KANK3: variants seen among roughly 807,000 people sequenced by gnomAD.
The protein encoded by KANK3 is KN motif and ankyrin repeat domain-containing protein 3.
A neutral mutation model predicts 65.4 loss-of-function variants in KANK3; 61 were observed. That is an observed-to-expected ratio of 0.93 (90% confidence interval 0.76 to 1.15). The LOEUF (loss-of-function observed/expected upper bound fraction) is 1.15. Ranked by LOEUF, KANK3 falls within the 50% of genes most tolerant of loss-of-function variation. The probability of loss-of-function intolerance (pLI) is 0.00; values close to 1 mark genes in which losing one functional copy is unlikely to be tolerated. For missense variants in KANK3, 1,187 were observed against 1,178.8 expected (o/e 1.01, Z -0.10); for synonymous variants, 586 against 543.3 (o/e 1.08, Z -1.09).
intron 2 of KANK3, 137 bp downstream of exon 2, chr19:8,337,658 A>G (rs1970665033): frequency 2.9e-6 from 3 of 1,026,272 alleles, no homozygotes; most frequent in African/African-American, 3.1e-5. Flanking sequence ...GATTGATGCC[A>G]TAGGTGGTTT....
chr19:8,337,956 C>T, intron 1 of KANK3, 100 bp from the exon 2 acceptor site: 1 of 1,520,802 alleles, frequency 6.6e-7, no homozygotes, highest in South Asian at 1.2e-5. Flanking sequence ...GAGCTCTCCT[C>T]CACCCAGCCA....
At position 8,335,783 on chromosome 19, in the gene KANK3, C is replaced by T; in HGVS notation, c.44G>A (p.Gly15Asp). 8.1e-7 allele frequency: 1 copy of T among 1,236,306 alleles called. No individual in the cohort carries two copies. The highest frequency in any genetic ancestry group is 4.1e-5 in the South Asian group (1 of 24,410). 76.6% of individuals were successfully genotyped at this position (1,236,306 alleles called of 1,614,324 possible). The change falls in exon 3 of 11, where the codon GGC becomes GAC. Residue 15 changes from glycine to aspartate, a missense_variant. Around this residue, in one of 3 missense-constraint regions of KANK3, gnomAD observed 104 missense variants for 122.1 expected, o/e 0.85. Coordinates refer to ENST00000330915, the MANE Select transcript of KANK3 (RefSeq NM_198471.3). ...GGCGGGGACCGGGCACAGGCGGGGG[C>T]CGCCCAGGTCTGGAGGCACGACGGG... is the stretch of plus-strand genomic sequence containing the variant. ...ALNQNLPDLG[G>D]PRLCPVPAAG...
rs1970555380 is a variant in KANK3, at chr19:8,333,007, C to T, written c.1936+7G>A. 4.6e-6 allele frequency: 5 copies of T among 1,078,038 alleles called. No individual in the cohort carries two copies. The highest frequency in any genetic ancestry group is 1.8e-5 in the African/African-American group (1 of 56,672). The allele number at this position is 1,078,038 out of a possible 1,614,324, so 66.8% of individuals were successfully genotyped here. A position where few individuals can be genotyped will look rare whatever the true frequency, so the allele number is the denominator to read the frequency against. On this transcript the variant is annotated splice_region_variant and intron_variant, in intron 7 of 10. Coordinates refer to ENST00000330915, the MANE Select transcript of KANK3 (RefSeq NM_198471.3). The surrounding 1 kb of genome is among the most constrained non-coding windows in gnomAD (Gnocchi z 5.0). ...TGGTGTCCCACCCACCCTCCCTTGG[C>T]TCTGACCCGTATCCAGGAGCAGGCT...
In KANK3 at chr19:8,335,469, A is replaced by G. The variant is rs2145434826; in HGVS notation, c.358T>C (p.Ser120Pro). 1.6e-6 allele frequency: 2 copies of G among 1,234,656 alleles called. No homozygotes were observed. Among genetic ancestry groups the G allele is most frequent in the East Asian group, 6.6e-5 (2 of 30,488 alleles). 76.5% of individuals were successfully genotyped at this position (1,234,656 alleles called of 1,614,324 possible). A position where few individuals can be genotyped will look rare whatever the true frequency, so the allele number is the denominator to read the frequency against. The change falls in exon 3 of 11, where the codon TCG becomes CCG. Residue 120 changes from serine to proline, a missense_variant. Physicochemically the swap from Ser to Pro is moderately conservative, Grantham distance 74. This residue lies in a region of KANK3 where 1,078 missense variants were observed against 1,038.2 expected (regional missense o/e 1.04). Transcript: ENST00000330915. ...APSGLLMQPL[S>P]PRAPVRNPRV... ...GGGTTGCGCACGGGCGCGCGCGGCG[A>G]CAGCGGCTGCATCAGGAGCCCCGAG... is the stretch of plus-strand genomic sequence containing the variant.
chr19:8,332,944 C>A, intron 7 of KANK3, 70 bp downstream of exon 7: 1 of 1,324,150 alleles, frequency 7.6e-7, no homozygotes, highest in South Asian at 1.3e-5. Flanking sequence ...AGTCTTTGAG[C>A]CTAGGTCAGC....
At chr19:8,327,827 C>T (rs1970455733) in intron 7 of KANK3, among the ~76,000 whole-genome samples, 1 of 152,166 alleles carries the variant, frequency 6.6e-6, no homozygotes, top group Admixed American at 6.6e-5. Context: ...GTGTGGGTGT[C>T]CATGCCTTCC....
intron 2 of KANK3, 21 bp downstream of exon 2, chr19:8,337,772 CAT>C (rs1343586291): frequency 1.9e-6 from 3 of 1,611,772 alleles, no homozygotes; most frequent in Non-Finnish European, 2.5e-6. Flanking sequence ...CACACACACA[CAT>C]CTCTCTTTTT....
intron 7 of KANK3, among the ~76,000 whole-genome samples, chr19:8,329,492 C>CAAAAAAAAAAAAAAAAAAAAAAAAA (rs59607185): frequency 2.0e-5 from 1 of 51,106 alleles, no homozygotes; most frequent in African/African-American, 7.3e-5. Context: ...GACTCGGCCT[C>CAAAAAAAAAAAAAAAAAAAAAAAAA]AAAAAAAAAA....
At chr19:8,329,506 A>AAAAAAAAAG (rs1970488491) in intron 7 of KANK3, among the ~76,000 whole-genome samples, 1 of 151,350 alleles carries the variant, frequency 6.6e-6, no homozygotes, top group African/African-American at 2.4e-5. Context: ...AAAAAAAAAA[A>AAAAAAAAAG]AAAAAAAAAA....
chr19:8,334,222 A>T, intron 4 of KANK3, 98 bp downstream of exon 4: 1 of 1,543,728 alleles, frequency 6.5e-7, no homozygotes, highest in Non-Finnish European at 8.7e-7. Flanking sequence ...GAAACTGAGG[A>T]TTGCCCAGAC....
In KANK3 at chr19:8,324,671, G is replaced by A. The variant is rs543226825; in HGVS notation, c.2242C>T (p.Leu748=). The change falls in exon 9 of 11, where the codon CTG becomes TTG. Residue 748 remains leucine, a synonymous_variant. Coordinates refer to ENST00000330915, the MANE Select transcript of KANK3 (RefSeq NM_198471.3). ...GGGTCACAGCCTGGCTGGGTGAGCA[G>A]CAGCCGCACGGTGTCCAGGCGCCCA... ...EYGRLDTVRL[L]LTQPGCDPAI... 2.5e-5 allele frequency: 41 copies of A among 1,614,012 alleles called. No homozygotes were observed. In the South Asian group the frequency reaches 4.2e-4, roughly 16 times the overall value.
Position 8,324,727 on chromosome 19 carries a change from C to T in KANK3, c.2186G>A (p.Gly729Glu). ...GADVNAQDADGATALMCASEY... is the reference protein window; with the variant it reads ...GADVNAQDADEATALMCASEY... ...ACTGGCACACATCAGCGCTGTGGCC[C>T]CATCCGCATCCTGCGCATTCACATC... is the stretch of plus-strand genomic sequence containing the variant. Residue 729 changes from glycine to glutamate, a missense_variant, in exon 9 of 11, where the codon GGG (glycine) becomes GAG (glutamate). Transcript: ENST00000330915. The T allele has an allele frequency of 6.2e-7, 1 of 1,614,034 alleles. No homozygotes were observed. The highest frequency in any genetic ancestry group is 8.5e-7 in the Non-Finnish European group (1 of 1,180,006).
chr19:8,324,937 G>C lies in KANK3; in HGVS notation c.2082+14C>G. 1 of 1,611,634 alleles carries C rather than the reference G, an allele frequency of 6.2e-7. No individual in the cohort carries two copies. The highest frequency in any genetic ancestry group is 8.5e-7 in the Non-Finnish European group (1 of 1,178,540). On this transcript the variant is annotated intron_variant, in intron 8 of 10. Coordinates refer to ENST00000330915, the MANE Select transcript of KANK3 (RefSeq NM_198471.3). ...GACTCCTGGCTGAGAGCCACAGTGG[G>C]GGCGCCCACGCACCTGACTGGCCTT...
At chr19:8,340,291 T>TATATATATATAAATATAC (rs1472181365) in intron 1 of KANK3, among the ~76,000 whole-genome samples, 1 of 92,870 alleles carries the variant, frequency 1.1e-5, no homozygotes. Context: ...TATATATATA[T>TATATATATATAAATATAC]ACACACACAC....
At chr19:8,326,683 G>C (rs1970435126) in intron 7 of KANK3, among the ~76,000 whole-genome samples, 2 of 150,052 alleles carry the variant, frequency 1.3e-5, no homozygotes, top group Admixed American at 1.3e-4. Context: ...TGTAGTCCCA[G>C]CTACTCAGGA....
chr19:8,342,983 G>C (rs1970739964), intron 1 of KANK3, among the ~76,000 whole-genome samples: 1 of 152,192 alleles, frequency 6.6e-6, no homozygotes, highest in South Asian at 2.1e-4. Context: ...GCCCCGCAGT[G>C]AGCTCCCGAA....
intron 10 of KANK3, chr19:8,323,184 G>A (rs1599637619): frequency 3.3e-6 from 1 of 302,350 alleles, no homozygotes; most frequent in South Asian, 1.2e-4. Context: ...AGTATTGCAA[G>A]TTGAAATGTG....
intron 7 of KANK3, among the ~76,000 whole-genome samples, chr19:8,325,735 C>T (rs892874206): frequency 9.9e-5 from 15 of 152,150 alleles, no homozygotes; most frequent in East Asian, 1.9e-4. Flanking sequence ...GGCCACCACC[C>T]GCCAAGCCAC....
At chr19:8,340,995 G>A (rs767341034) in intron 1 of KANK3, among the ~76,000 whole-genome samples, 37 of 152,196 alleles carry the variant, frequency 2.4e-4, no homozygotes, top group African/African-American at 7.0e-4. Flanking sequence ...GCCGTATGAC[G>A]CAATGGGGTC....
Sources: allele counts gnomAD v4.1 joint callset (sites outside exome capture counted in the v4.1 genomes callset), GRCh38; gene constraint gnomAD v4.1.1; regional missense constraint gnomAD v4.1.1; non-coding constraint Gnocchi (gnomAD v3.1); transcripts MANE v1.5; gene names NCBI Gene and HGNC (gene_info 2026-07-23, HGNC 2026-07-21).